Variants in CIB1 observed in about 807,000 individuals in gnomAD.
CIB1 encodes the protein calcium and integrin-binding protein 1.
Under a neutral mutation model 25.0 loss-of-function variants are expected in CIB1, and 19 were observed. The ratio of observed to expected loss-of-function variants is 0.76; its 90% CI spans 0.53 to 1.12. The LOEUF is 1.12. Ranked by LOEUF, CIB1 falls within the 50% of genes most tolerant of loss-of-function variation. The pLI is 0.00. For synonymous variants in CIB1, 104 were observed against 98.5 expected (o/e 1.06, Z -0.33); for missense variants, 236 against 242.6 (o/e 0.97, Z 0.18).
chr15:90,252,021 GCACCACTATGCT>G, the CIB1 span, among the ~76,000 whole-genome samples: 1 of 148,586 alleles, frequency 6.7e-6, no homozygotes, highest in Admixed American at 6.9e-5. Flanking sequence ...CTACAGGCCT[GCACCACTATGCT>G]CACCTAATTC....
the CIB1 span, among the ~76,000 whole-genome samples, chr15:90,239,782 G>A: frequency 6.6e-6 from 1 of 152,324 alleles, no homozygotes; most frequent in Admixed American, 6.5e-5. Context: ...GATCTCGGCA[G>A]TGCCTGGTGG....
At chr15:90,230,786 G>C (rs965900089) in intron 6 of CIB1, 148 bp downstream of exon 6, 6 of 779,732 alleles carry the variant, frequency 7.7e-6, no homozygotes, top group Admixed American at 4.0e-5. Flanking sequence ...CCCCTGCCCG[G>C]GGCGAGACTG....
At chr15:90,245,161 T>C in the CIB1 span, 80,108 of 152,128 alleles carry the variant, frequency 0.53, 22,624 homozygotes, top group African/African-American at 0.72. Context: ...GCAGAATATG[T>C]GTCCATAGCC....
At chr15:90,230,540 A>G (rs1300587296) in intron 6 of CIB1, 35 bp from the exon 7 acceptor site, 4 of 1,551,178 alleles carry the variant, frequency 2.6e-6, no homozygotes, top group Non-Finnish European at 3.5e-6. Context: ...TTTCTGCTGG[A>G]AGAGGAGGGC....
chr15:90,256,313 G>A, the CIB1 span: 3 of 1,614,034 alleles, frequency 1.9e-6, no homozygotes, highest in Non-Finnish European at 2.5e-6. Flanking sequence ...GGATGCCTCA[G>A]GACCATCAGC....
At chr15:90,241,440 C>T in the CIB1 span, 1 of 1,613,562 alleles carries the variant, frequency 6.2e-7, no homozygotes, top group South Asian at 1.1e-5. Flanking sequence ...CCGCCAGCTC[C>T]CCCAGCGCCT....
the CIB1 span, among the ~76,000 whole-genome samples, chr15:90,261,426 T>C: frequency 6.6e-6 from 1 of 151,588 alleles, no homozygotes; most frequent in Non-Finnish European, 1.5e-5. Flanking sequence ...AAACATATGT[T>C]ACTTTTACAA....
chr15:90,237,642 C>A (rs1457868586), upstream of CIB1, among the ~76,000 whole-genome samples: 1 of 152,110 alleles, frequency 6.6e-6, no homozygotes, highest in African/African-American at 2.4e-5. Context: ...CGTTAAACAT[C>A]CCAAATGTGC....
chr15:90,262,119 C>G, the CIB1 span: 3 of 1,535,944 alleles, frequency 2.0e-6, no homozygotes, highest in Non-Finnish European at 2.6e-6. Flanking sequence ...GAGAAGTATG[C>G]CCGCTTCTTC....
At chr15:90,236,431 A>G (rs1199368248), upstream of CIB1, among the ~76,000 whole-genome samples, 1 of 152,102 alleles carries the variant, frequency 6.6e-6, no homozygotes. Context: ...TTGGCTCTGA[A>G]CCCTTCATGG....
the CIB1 span, chr15:90,264,663 G>A: frequency 1.3e-6 from 2 of 1,513,838 alleles, no homozygotes; most frequent in Non-Finnish European, 1.8e-6. Context: ...TTGGGAAAGA[G>A]GTGAACAAAT....
the CIB1 span, chr15:90,265,631 C>A: frequency 6.5e-7 from 1 of 1,547,670 alleles, no homozygotes; most frequent in East Asian, 2.3e-5. Flanking sequence ...CAGCCTCCGG[C>A]CCGCCCCTTC....
the CIB1 span, chr15:90,253,347 A>G: frequency 1.2e-6 from 2 of 1,613,090 alleles, no homozygotes; most frequent in Non-Finnish European, 1.7e-6. Context: ...GGAACGAGTC[A>G]TGGACATGAA....
the CIB1 span, chr15:90,251,420 A>C: frequency 7.5e-6 from 7 of 933,212 alleles, no homozygotes; most frequent in African/African-American, 1.2e-4. Context: ...CACCGCGCCC[A>C]GCCCATCCTG....
At position 90,230,624 on chromosome 15, in the gene CIB1, C is replaced by G; in HGVS notation, c.555-119G>C. 2.7e-6 allele frequency: 3 copies of G among 1,108,932 alleles called. No homozygotes were observed. The South Asian group carries it at 4.1e-5, about 15-fold the overall frequency. 68.7% of individuals were successfully genotyped at this position (1,108,932 alleles called of 1,614,324 possible). ...GAACGGGCTATGTTCCGTGTGTCAG[C>G]CCCCTCTGCAAGAACTCCCCGAGAC... On this transcript the variant is annotated intron_variant, in intron 6 of 6. Coordinates refer to ENST00000328649, the MANE Select transcript of CIB1 (RefSeq NM_006384.4).
the CIB1 span, chr15:90,257,031 T>G: frequency 2.8e-6 from 3 of 1,087,568 alleles, no homozygotes; most frequent in Non-Finnish European, 4.0e-6. Flanking sequence ...CTATTTTACA[T>G]GGTTATTGTG....
chr15:90,239,560 C>T, the CIB1 span, among the ~76,000 whole-genome samples: 1 of 152,120 alleles, frequency 6.6e-6, no homozygotes, highest in African/African-American at 2.4e-5. Context: ...ACCATCAGAT[C>T]TCAGGAGAAC....
upstream of CIB1, among the ~76,000 whole-genome samples, chr15:90,237,103 C>T (rs139637341): frequency 1.9e-3 from 295 of 151,296 alleles, 1 homozygote; most frequent in African/African-American, 6.8e-3. Context: ...AGATTACAGA[C>T]GCCCACTACC....
the CIB1 span, chr15:90,265,485 G>T: frequency 7.1e-7 from 1 of 1,400,514 alleles, no homozygotes; most frequent in Non-Finnish European, 9.2e-7. Flanking sequence ...TTCCAGGAGC[G>T]TCCTGTACCT....
Sources: gnomAD v4.1 joint callset for allele counts (sites outside exome capture counted in the v4.1 genomes callset) on GRCh38, gnomAD v4.1.1 for gene constraint, MANE v1.5 for transcripts, NCBI Gene and HGNC (gene_info 2026-07-23, HGNC 2026-07-21) for gene names.